Variants in PDE7B observed in about 807,000 individuals in gnomAD.
The protein encoded by PDE7B is 3',5'-cyclic-AMP phosphodiesterase 7B.
A neutral mutation model predicts 56.2 loss-of-function variants in PDE7B; 29 were observed. That is an observed-to-expected ratio of 0.52 (90% CI 0.38 to 0.70). The LOEUF is 0.70. PDE7B is among the 30% of genes least tolerant of loss of function. PDE7B has a pLI of 0.00. For synonymous variants in PDE7B, 197 were observed against 196.9 expected (o/e 1.00, Z 0.00); for missense variants, 490 against 565.0 (o/e 0.87, Z 1.35).
At chr6:135,970,793 T>G (rs1775081521) in intron 2 of PDE7B, among the ~76,000 whole-genome samples, 1 of 152,152 alleles carries the variant, frequency 6.6e-6, no homozygotes, top group African/African-American at 2.4e-5. Context: ...ATTAGTGGTT[T>G]GGCCTAGGGA....
Position 135,883,177 on chromosome 6 carries a change from A to G in PDE7B, c.21+31158A>G, listed in dbSNP as rs142515953. ...TAGTCATACACAATTTATGTCCACC[A>G]CTAAAGTACTAATGTGTATTCTATA... On this transcript the variant is annotated intron_variant, in intron 1 of 12. Coordinates refer to ENST00000308191, the MANE Select transcript of PDE7B (RefSeq NM_018945.4). Among the ~76,000 whole-genome samples, 505 of 152,264 alleles carry G rather than the reference A, an allele frequency of 3.3e-3. 3 individuals carry two copies. The highest frequency in any genetic ancestry group is 0.022 in the South Asian group (106 of 4,824).
At chr6:135,866,313 A>T (rs1163504146) in intron 1 of PDE7B, among the ~76,000 whole-genome samples, 1 of 152,208 alleles carries the variant, frequency 6.6e-6, no homozygotes, top group Non-Finnish European at 1.5e-5. Context: ...AAATTTTAAA[A>T]TGAGAAGTAT....
chr6:135,905,612 T>A (rs1055450020), intron 1 of PDE7B, among the ~76,000 whole-genome samples: 3 of 152,184 alleles, frequency 2.0e-5, no homozygotes, highest in African/African-American at 7.2e-5. Context: ...AATATGTCAC[T>A]AAAGCTGAGC....
intron 1 of PDE7B, among the ~76,000 whole-genome samples, chr6:135,863,670 C>A (rs1371406332): frequency 6.6e-6 from 1 of 150,922 alleles, no homozygotes; most frequent in African/African-American, 2.4e-5. Flanking sequence ...TGAAATTTTA[C>A]CATAGTAAAA....
chr6:136,122,325 A>G (rs1465599629), intron 3 of PDE7B, among the ~76,000 whole-genome samples: 1 of 152,172 alleles, frequency 6.6e-6, no homozygotes, highest in Non-Finnish European at 1.5e-5. Flanking sequence ...TGGAGATTTC[A>G]CTTAGGGCTT....
chr6:135,904,673 A>G (rs926351843), intron 1 of PDE7B, among the ~76,000 whole-genome samples: 2 of 152,188 alleles, frequency 1.3e-5, no homozygotes, highest in Non-Finnish European at 2.9e-5. Flanking sequence ...GTGTAGGGAC[A>G]TAGTCTTACT....
At chr6:136,075,931 A>G (rs1045111457) in intron 2 of PDE7B, among the ~76,000 whole-genome samples, 2 of 152,154 alleles carry the variant, frequency 1.3e-5, no homozygotes, top group Non-Finnish European at 2.9e-5. Flanking sequence ...CAGGGATGAC[A>G]TGTTTTGTCT....
At chr6:135,921,415 T>C (rs1774078068) in intron 1 of PDE7B, among the ~76,000 whole-genome samples, 2 of 152,168 alleles carry the variant, frequency 1.3e-5, no homozygotes, top group Non-Finnish European at 1.5e-5. Context: ...CAAGAGAACA[T>C]TGCTTGTAAC....
At chr6:136,187,947 T>G (rs1779167114) in intron 12 of PDE7B, among the ~76,000 whole-genome samples, 1 of 152,194 alleles carries the variant, frequency 6.6e-6, no homozygotes, top group South Asian at 2.1e-4. Context: ...GACCCTGACA[T>G]GTACCAGTTC....
chr6:136,037,311 G>A (rs1776339378), intron 2 of PDE7B: 3 of 570,340 alleles, frequency 5.3e-6, no homozygotes, highest in Non-Finnish European at 6.7e-6. Flanking sequence ...TCCCGAATTC[G>A]CATCTTTCGG....
At chr6:135,919,699 C>A (rs1774029395) in intron 1 of PDE7B, among the ~76,000 whole-genome samples, 1 of 152,230 alleles carries the variant, frequency 6.6e-6, no homozygotes, top group Non-Finnish European at 1.5e-5. Flanking sequence ...CTGATCCTGC[C>A]ATTTACTAAC....
chr6:135,941,365 T>G (rs1774504341), intron 1 of PDE7B, among the ~76,000 whole-genome samples: 1 of 152,270 alleles, frequency 6.6e-6, no homozygotes, highest in Non-Finnish European at 1.5e-5. Flanking sequence ...TGAGTTTTTC[T>G]GCATTTCTGC....
At chr6:136,040,249 G>A (rs1562477141) in intron 2 of PDE7B, among the ~76,000 whole-genome samples, 1 of 152,124 alleles carries the variant, frequency 6.6e-6, no homozygotes, top group African/African-American at 2.4e-5. Flanking sequence ...GTGGAGACAG[G>A]CTTTATAACA....
intron 1 of PDE7B, among the ~76,000 whole-genome samples, chr6:135,881,294 G>A (rs139712036): frequency 0.011 from 1,700 of 149,222 alleles, 14 homozygotes; most frequent in Non-Finnish European, 0.019. Context: ...TCAAGAGATC[G>A]AGACCATCCT....
intron 2 of PDE7B, among the ~76,000 whole-genome samples, chr6:135,998,128 A>G (rs1775597557): frequency 6.6e-6 from 1 of 152,178 alleles, no homozygotes; most frequent in Non-Finnish European, 1.5e-5. Context: ...TTATTTTAAA[A>G]GTCCAATATA....
At position 136,016,806 on chromosome 6, in the gene PDE7B, G is replaced by A. The variant is rs578233423; in HGVS notation, c.82+69282G>A. Among the ~76,000 whole-genome samples, 89 of 152,262 alleles carry A rather than the reference G, an allele frequency of 5.8e-4. No individual in the cohort carries two copies. In the South Asian group the frequency reaches 0.018, roughly 31 times the overall value. On this transcript the variant is annotated intron_variant, in intron 2 of 12. Coordinates refer to ENST00000308191, the MANE Select transcript of PDE7B (RefSeq NM_018945.4). ...TTCTACTCATCTGCACATTCTAAGGGAAATTCTCTTAGATACACCTAATTT... is the reference window on the plus strand; with the variant it reads ...TTCTACTCATCTGCACATTCTAAGGAAAATTCTCTTAGATACACCTAATTT...
intron 7 of PDE7B, among the ~76,000 whole-genome samples, chr6:136,154,881 G>A (rs1323195006): frequency 2.0e-5 from 3 of 152,102 alleles, no homozygotes; most frequent in Non-Finnish European, 2.9e-5. Flanking sequence ...CTACATATGC[G>A]GATGCTTTGA....
At chr6:136,044,214 A>C (rs1403607673) in intron 2 of PDE7B, 5 of 152,184 alleles carry the variant, frequency 3.3e-5, no homozygotes, top group Non-Finnish European at 7.3e-5. Context: ...TTTATTTAAC[A>C]GGCAAATCAC....
At chr6:135,907,781 T>C (rs1475413233) in intron 1 of PDE7B, among the ~76,000 whole-genome samples, 2 of 152,104 alleles carry the variant, frequency 1.3e-5, no homozygotes, top group Non-Finnish European at 2.9e-5. Context: ...AATAAACAGT[T>C]TTGAAAAACT....
Sources: allele counts gnomAD v4.1 joint callset (sites outside exome capture counted in the v4.1 genomes callset), GRCh38; gene constraint gnomAD v4.1.1; transcripts MANE v1.5; gene names NCBI Gene and HGNC (gene_info 2026-07-23, HGNC 2026-07-21).